UNC79: variants seen among roughly 807,000 people sequenced by gnomAD.
The protein encoded by UNC79 is protein unc-79 homolog.
In UNC79, 37 loss-of-function variants were observed where a neutral mutation model predicts 283.1. The ratio of observed to expected loss-of-function variants is 0.13; its 90% CI spans 0.10 to 0.17. The LOEUF (loss-of-function observed/expected upper bound fraction) is 0.17, where lower values mean the gene tolerates loss of function less well. Among genes scored for constraint, UNC79 ranks in the 10% least tolerant of loss-of-function variants. UNC79 has a pLI of 1.00. For synonymous variants in UNC79, 1,107 were observed against 1,200.2 expected (o/e 0.92, Z 1.61); for missense variants, 2,272 against 3,211.1 (o/e 0.71, Z 7.07).
At chr14:93,443,777 G>T (rs2056384501) in intron 1 of UNC79, among the ~76,000 whole-genome samples, 2 of 152,012 alleles carry the variant, frequency 1.3e-5, no homozygotes. Context: ...TCATGTTGTT[G>T]GGTTAATTAA....
At chr14:93,560,550 G>A (rs538769436) in intron 14 of UNC79, among the ~76,000 whole-genome samples, 1 of 152,164 alleles carries the variant, frequency 6.6e-6, no homozygotes, top group East Asian at 1.9e-4. Flanking sequence ...GAGCAATAGT[G>A]GAGGCAGAAA....
intron 1 of UNC79, among the ~76,000 whole-genome samples, chr14:93,460,402 C>T (rs2056925084): frequency 6.6e-6 from 1 of 150,386 alleles, no homozygotes; most frequent in Non-Finnish European, 1.5e-5. Context: ...CCCAGCTACT[C>T]AGGAGGCTGA....
At chr14:93,669,630 G>A (rs1032240636) in intron 40 of UNC79, among the ~76,000 whole-genome samples, 2 of 152,172 alleles carry the variant, frequency 1.3e-5, no homozygotes, top group African/African-American at 4.8e-5. Flanking sequence ...AGCCTTGTAT[G>A]TGTATTAAGG....
In UNC79 at chr14:93,378,721, T is replaced by C. The variant is rs1177820992; in HGVS notation, c.-351+45198T>C. Among the ~76,000 whole-genome samples, 8 of 152,194 alleles carry C rather than the reference T, an allele frequency of 5.3e-5. No homozygotes were observed. The East Asian group carries it at 1.5e-3, about 29-fold the overall frequency. ...GAATTTTCCACTTGTGGCATCATGT[T>C]GGTACTCAAAAAATTTTAAATTTTG... On this transcript the variant is annotated intron_variant, in intron 1 of 49. Coordinates refer to the UNC79 transcript ENST00000256339.
chr14:93,599,337 A>G (rs1314109309), intron 24 of UNC79, among the ~76,000 whole-genome samples: 1 of 148,840 alleles, frequency 6.7e-6, no homozygotes, highest in African/African-American at 2.5e-5. Context: ...GATTTATAAT[A>G]CAGTCCACAT....
intron 10 of UNC79, 141 bp from the exon 11 acceptor site, chr14:93,532,409 G>T: frequency 1.1e-6 from 1 of 935,702 alleles, no homozygotes; most frequent in Non-Finnish European, 1.5e-6. Flanking sequence ...TCAAGAGGCT[G>T]TGGTGGGCTA....
rs60148384 is a variant in UNC79, at chr14:93,653,322, CAT to C, written c.6084-403_6084-402del. On this transcript the variant is annotated intron_variant, in intron 35 of 48. Transcript: ENST00000555664. ...ATGAGAATGAACATCTCTCTCACTG[CAT>C]ATATATATATATATATGAATTTTTT... Among the ~76,000 whole-genome samples, 808 of 148,258 alleles carry C rather than the reference CAT, an allele frequency of 5.4e-3. 10 individuals carry two copies. The highest frequency in any genetic ancestry group is 0.019 in the African/African-American group (763 of 40,496).
intron 48 of UNC79, 42 bp downstream of exon 51, chr14:93,704,708 A>G (rs558336646): frequency 1.9e-5 from 30 of 1,606,166 alleles, no homozygotes; most frequent in Non-Finnish European, 2.3e-5. Flanking sequence ...GGTTTCCTGC[A>G]GAGAACGTAT....
At chr14:93,653,810 C>A in exon 36 of UNC79, 1 of 1,614,062 alleles carries the variant, frequency 6.2e-7, no homozygotes, top group Non-Finnish European at 8.5e-7. Context: ...CATCAGTTGG[C>A]CCCCAACGGC....
At chr14:93,522,317 GAGATGGTTAGC>G (rs1228726858) in intron 7 of UNC79, among the ~76,000 whole-genome samples, 1 of 151,972 alleles carries the variant, frequency 6.6e-6, no homozygotes, top group Non-Finnish European at 1.5e-5. Flanking sequence ...CACTGATTTG[GAGATGGTTAGC>G]AGATTTTATC....
At chr14:93,400,189 G>C (rs2055079515) in intron 1 of UNC79, among the ~76,000 whole-genome samples, 1 of 152,186 alleles carries the variant, frequency 6.6e-6, no homozygotes, top group African/African-American at 2.4e-5. Flanking sequence ...AGCGGGGGCT[G>C]TTTTGGGATG....
chr14:93,551,351 G>C (rs970581612), intron 14 of UNC79, among the ~76,000 whole-genome samples: 1 of 152,192 alleles, frequency 6.6e-6, no homozygotes, highest in Non-Finnish European at 1.5e-5. Flanking sequence ...GCCCGGCCAG[G>C]ATTTATTTTT....
At chr14:93,618,440 C>A in intron 29 of UNC79, 86 bp downstream of exon 30, 1 of 1,309,944 alleles carries the variant, frequency 7.6e-7, no homozygotes, top group Non-Finnish European at 9.9e-7. Flanking sequence ...GAAGAGTGTT[C>A]CCAGATATCA....
chr14:93,395,844 T>G (rs2054984491), intron 1 of UNC79, among the ~76,000 whole-genome samples: 1 of 152,170 alleles, frequency 6.6e-6, no homozygotes, highest in African/African-American at 2.4e-5. Context: ...TTTTCTTTGT[T>G]TTTTGACAGT....
intron 1 of UNC79, among the ~76,000 whole-genome samples, chr14:93,380,957 T>C (rs1477996729): frequency 6.6e-6 from 1 of 152,222 alleles, no homozygotes; most frequent in Non-Finnish European, 1.5e-5. Flanking sequence ...GTCAGTCATT[T>C]AGTAAGTATT....
At chr14:93,472,370 G>A (rs1437869557) in intron 2 of UNC79, among the ~76,000 whole-genome samples, 1 of 152,044 alleles carries the variant, frequency 6.6e-6, no homozygotes, top group Non-Finnish European at 1.5e-5. Context: ...AATAGATACA[G>A]TCAGGTGGTA....
At position 93,621,476 on chromosome 14, in the gene UNC79, A is replaced by C; in HGVS notation, c.4388-145A>C. 1.8e-6 allele frequency: 2 copies of C among 1,091,578 alleles called. No homozygotes were observed. Among genetic ancestry groups the C allele is most frequent in the Non-Finnish European group, 2.5e-6 (2 of 808,350 alleles). 67.6% of individuals were successfully genotyped at this position (1,091,578 alleles called of 1,614,324 possible). On this transcript the variant is annotated intron_variant, in intron 29 of 48. Coordinates refer to ENST00000555664, the Ensembl canonical transcript of UNC79. This position sits in a 1 kb window ranked among gnomAD's most constrained non-coding sequence, Gnocchi z 4.8. The stretch of plus-strand genomic sequence containing the variant: ...TTTTTGAAATTAGAACGAACCTTAC[A>C]AAAACTTGGCCAGAAAGTTCGTTTT...
At chr14:93,573,830 G>T (rs1216082607) in intron 16 of UNC79, among the ~76,000 whole-genome samples, 1 of 152,096 alleles carries the variant, frequency 6.6e-6, no homozygotes, top group Admixed American at 6.5e-5. Flanking sequence ...CATGGCCAAA[G>T]CCCGTCTCTA....
At chr14:93,504,329 TA>T (rs571819203) in intron 7 of UNC79, among the ~76,000 whole-genome samples, 3 of 151,982 alleles carry the variant, frequency 2.0e-5, no homozygotes, top group Non-Finnish European at 2.9e-5. Context: ...TTTGCTAAGT[TA>T]AAAAATTTGT....
Sources: gnomAD v4.1 joint callset for allele counts (sites outside exome capture counted in the v4.1 genomes callset) on GRCh38, gnomAD v4.1.1 for gene constraint, Gnocchi (gnomAD v3.1) non-coding constraint, MANE v1.5 for transcripts, NCBI Gene and HGNC (gene_info 2026-07-23, HGNC 2026-07-21) for gene names.